MAMDC2: variants seen among roughly 807,000 people sequenced by gnomAD.
MAMDC2 encodes the protein MAM domain containing 2, also known as MAM domain-containing protein 2.
Under a neutral mutation model 89.8 loss-of-function variants are expected in MAMDC2, and 57 were observed. That is an observed-to-expected ratio of 0.63 (90% CI 0.51 to 0.79). The LOEUF is 0.79. MAMDC2 is among the 30% of genes least tolerant of loss of function. MAMDC2 has a pLI of 0.00. For missense variants in MAMDC2, 800 were observed against 820.6 expected (o/e 0.97, Z 0.31); for synonymous variants, 313 against 293.4 (o/e 1.07, Z -0.68).
chr9:70,056,052 AC>A (rs1210368460), intron 2 of MAMDC2, among the ~76,000 whole-genome samples: 1 of 152,134 alleles, frequency 6.6e-6, no homozygotes, highest in African/African-American at 2.4e-5. Flanking sequence ...TATTTGAAAA[AC>A]TTTTGCCTCA....
intron 11 of MAMDC2, among the ~76,000 whole-genome samples, chr9:70,197,413 G>C (rs948492489): frequency 6.6e-6 from 1 of 152,078 alleles, no homozygotes; most frequent in Non-Finnish European, 1.5e-5. Flanking sequence ...TGAAATGGAA[G>C]AACATATTGA....
At chr9:70,054,917 A>G (rs1237042230) in intron 2 of MAMDC2, among the ~76,000 whole-genome samples, 4 of 152,104 alleles carry the variant, frequency 2.6e-5, no homozygotes, top group Non-Finnish European at 5.9e-5. Flanking sequence ...TTACTCATTG[A>G]AAAACAAAAA....
At chr9:70,058,399 T>C (rs1017391488) in intron 2 of MAMDC2, among the ~76,000 whole-genome samples, 1 of 152,190 alleles carries the variant, frequency 6.6e-6, no homozygotes. Context: ...TCTCTTGACA[T>C]GGGGTCTCAA....
intron 2 of MAMDC2, among the ~76,000 whole-genome samples, chr9:70,085,498 G>T (rs1466427873): frequency 6.6e-6 from 1 of 152,054 alleles, no homozygotes; most frequent in Non-Finnish European, 1.5e-5. Flanking sequence ...TTTTCCCAGT[G>T]TCAACATATA....
chr9:70,148,230 A>G lies in MAMDC2; in HGVS notation c.1404+4411A>G, dbSNP rs181745111. On this transcript the variant is annotated intron_variant, in intron 9 of 13. Coordinates refer to ENST00000377182, the MANE Select transcript of MAMDC2 (RefSeq NM_153267.5). ...TGCATTCCCTGTTGCCTCTGCCTAC[A>G]CTCTTCTTATTTAGATCTCAGCTTA... Among the ~76,000 whole-genome samples the G allele has an allele frequency of 1.2e-3, 178 of 149,488 alleles. 6 individuals carry two copies. The highest frequency in any genetic ancestry group is 3.4e-3 in the Middle Eastern group (1 of 294).
chr9:70,198,726 A>G (rs2033029349), intron 11 of MAMDC2, among the ~76,000 whole-genome samples: 1 of 152,164 alleles, frequency 6.6e-6, no homozygotes, highest in South Asian at 2.1e-4. Flanking sequence ...TTGGGCAAAT[A>G]AATTCTCTTC....
chr9:70,051,924 T>TAGATAGAC lies in MAMDC2; in HGVS notation c.148+7230_148+7231insTAGACAGA, dbSNP rs955594860. On this transcript the variant is annotated intron_variant, in intron 2 of 13. Transcript: ENST00000377182. ...ATAGATAGATAGATAGATAGATAGATAGACAGACAGATAGATAGATATAGT... is the reference window on the plus strand; with the variant it reads ...ATAGATAGATAGATAGATAGATAGATAGATAGACAGACAGACAGATAGATAGATATAGT... Among the ~76,000 whole-genome samples, 1,056 of 151,944 alleles carry TAGATAGAC rather than the reference T, an allele frequency of 6.9e-3. 5 individuals are homozygous for TAGATAGAC. Among genetic ancestry groups the TAGATAGAC allele is most frequent in the African/African-American group, 0.016 (678 of 41,346 alleles).
At chr9:70,136,089 TAC>T (rs2030995207) in intron 7 of MAMDC2, among the ~76,000 whole-genome samples, 1 of 152,140 alleles carries the variant, frequency 6.6e-6, no homozygotes, top group Non-Finnish European at 1.5e-5. Flanking sequence ...AGGCAGAGGC[TAC>T]AGTGAGCCAA....
intron 11 of MAMDC2, among the ~76,000 whole-genome samples, chr9:70,196,367 G>A (rs996671736): frequency 3.3e-5 from 5 of 152,100 alleles, no homozygotes; most frequent in African/African-American, 1.2e-4. Flanking sequence ...CACAGTACAT[G>A]ATAAGTATTT....
chr9:70,104,070 G>A (rs1487037799), intron 2 of MAMDC2, among the ~76,000 whole-genome samples: 1 of 151,320 alleles, frequency 6.6e-6, no homozygotes, highest in Non-Finnish European at 1.5e-5. Context: ...CTATTATCCA[G>A]AATGTATAAA....
intron 9 of MAMDC2, among the ~76,000 whole-genome samples, chr9:70,154,915 G>T (rs2031705151): frequency 6.6e-6 from 1 of 152,006 alleles, no homozygotes. Flanking sequence ...CTATTCCCAA[G>T]AACCTAAATC....
At chr9:70,209,103 C>T (rs1275634232) in intron 11 of MAMDC2, among the ~76,000 whole-genome samples, 7 of 151,992 alleles carry the variant, frequency 4.6e-5, no homozygotes, top group Admixed American at 2.0e-4. Flanking sequence ...TTTTTTGTTG[C>T]GTCTCTGCCA....
At chr9:70,212,229 G>A (rs1013073013) in intron 11 of MAMDC2, among the ~76,000 whole-genome samples, 1 of 152,244 alleles carries the variant, frequency 6.6e-6, no homozygotes, top group Non-Finnish European at 1.5e-5. Flanking sequence ...CCCACAGGTG[G>A]AGTCTACAGA....
At chr9:70,184,154 G>A (rs2032700721) in intron 11 of MAMDC2, among the ~76,000 whole-genome samples, 1 of 152,150 alleles carries the variant, frequency 6.6e-6, no homozygotes, top group Non-Finnish European at 1.5e-5. Flanking sequence ...TAGTTTGGCT[G>A]GATATGAAAT....
chr9:70,146,796 A>C (rs2031418199), intron 9 of MAMDC2, among the ~76,000 whole-genome samples: 1 of 151,166 alleles, frequency 6.6e-6, no homozygotes. Flanking sequence ...TTAGCCAGGC[A>C]TGGTGGCACG....
At chr9:70,212,708 T>C (rs1281065585) in intron 11 of MAMDC2, among the ~76,000 whole-genome samples, 1 of 152,178 alleles carries the variant, frequency 6.6e-6, no homozygotes, top group Non-Finnish European at 1.5e-5. Flanking sequence ...GCGTCACTCA[T>C]GCTGGGAGCT....
chr9:70,205,668 G>A (rs543510664), intron 11 of MAMDC2, among the ~76,000 whole-genome samples: 1 of 152,234 alleles, frequency 6.6e-6, no homozygotes, highest in African/African-American at 2.4e-5. Flanking sequence ...AGATCCATTG[G>A]AACCCCCATC....
At chr9:70,158,488 T>A (rs547992111) in intron 9 of MAMDC2, among the ~76,000 whole-genome samples, 1 of 151,440 alleles carries the variant, frequency 6.6e-6, no homozygotes, top group East Asian at 1.9e-4. Context: ...TATTTATTTT[T>A]AAATATATAT....
chr9:70,173,546 T>C (rs543712211), intron 11 of MAMDC2, among the ~76,000 whole-genome samples: 5 of 152,320 alleles, frequency 3.3e-5, no homozygotes, highest in African/African-American at 1.2e-4. Context: ...CTAGAGTCTA[T>C]TGTAGTCTAG....
Sources: gnomAD v4.1 joint callset for allele counts (sites outside exome capture counted in the v4.1 genomes callset) on GRCh38, gnomAD v4.1.1 for gene constraint, MANE v1.5 for transcripts, NCBI Gene and HGNC (gene_info 2026-07-23, HGNC 2026-07-21) for gene names.